Variants in USP43 observed in about 807,000 individuals in gnomAD.
The protein encoded by USP43 is ubiquitin specific peptidase 43.
Under a neutral mutation model 90.7 loss-of-function variants are expected in USP43, and 33 were observed. That is an observed-to-expected ratio of 0.36 (90% CI 0.28 to 0.49). The LOEUF (loss-of-function observed/expected upper bound fraction) is 0.49, where lower values mean the gene tolerates loss of function less well. USP43 is among the 20% of genes least tolerant of loss of function. The pLI is 0.98. For missense variants in USP43, 1,274 were observed against 1,476.4 expected, an observed-to-expected ratio of 0.86 and a Z score of 2.25; for synonymous variants, 598 against 615.8, an observed-to-expected ratio of 0.97 and a Z score of 0.43.
At position 9,728,416 on chromosome 17, in the gene USP43, T is replaced by G. The variant is rs955137421; in HGVS notation, c.2798T>G (p.Leu933Arg). The change falls in exon 15 of 15, where the codon CTC becomes CGC. Residue 933 changes from leucine (L) to arginine (R), a missense_variant. By Grantham distance (102) the Leu-to-Arg change is moderately radical (BLOSUM62 -2). Transcript: ENST00000285199. The surrounding 1 kb of genome is among the most constrained non-coding windows in gnomAD (Gnocchi z 6.2). ...CTTCCCAGAAAGTTTGACCTGCCTCTCACTGTGATGCCTTCAGTGGAGCAT... is the reference window on the plus strand; with the variant it reads ...CTTCCCAGAAAGTTTGACCTGCCTCGCACTGTGATGCCTTCAGTGGAGCAT... ...IKLPRKFDLP[L>R]TVMPSVEHEK... 3.7e-6 allele frequency: 6 copies of G among 1,610,464 alleles called. No individual in the cohort carries two copies. The highest frequency in any genetic ancestry group is 1.7e-4 in the Middle Eastern group (1 of 6,058).
chr17:9,662,834 T>TTTC (rs939042102), intron 2 of USP43, among the ~76,000 whole-genome samples: 6 of 151,840 alleles, frequency 4.0e-5, no homozygotes, highest in African/African-American at 7.3e-5. Flanking sequence ...TTTTTTTTTT[T>TTTC]TGAGGCAGAG....
intron 2 of USP43, among the ~76,000 whole-genome samples, chr17:9,664,193 TAA>T (rs1417334906): frequency 6.6e-6 from 1 of 152,232 alleles, no homozygotes; most frequent in Non-Finnish European, 1.5e-5. Context: ...AATTATGCAG[TAA>T]ACACTCCTCC....
rs1917452007 is a variant in USP43, at chr17:9,729,161, A to G, written c.*171A>G. ...CTCCATATCTAGACTTCCAACACCC[A>G]AGGTCCATATAACCCAAGGTCGAAA... On this transcript the variant is annotated 3_prime_UTR_variant, in exon 15 of 15. Coordinates refer to ENST00000285199, the MANE Select transcript of USP43 (RefSeq NM_153210.5). The G allele has an allele frequency of 1.9e-6, 1 of 529,564 alleles. No homozygotes were observed. Among genetic ancestry groups the G allele is most frequent in the East Asian group, 3.4e-5 (1 of 29,216 alleles). The allele number at this position is 529,564 out of a possible 1,614,324, so 32.8% of individuals were successfully genotyped here. A position where few individuals can be genotyped will look rare whatever the true frequency, so the allele number is the denominator to read the frequency against.
intron 12 of USP43, among the ~76,000 whole-genome samples, chr17:9,707,442 C>T (rs1915948092): frequency 6.6e-6 from 1 of 152,048 alleles, no homozygotes; most frequent in South Asian, 2.1e-4. Context: ...GTCAGGAGAT[C>T]AAGACCATCC....
chr17:9,692,178 G>A (rs1914998053), intron 8 of USP43, among the ~76,000 whole-genome samples: 1 of 151,946 alleles, frequency 6.6e-6, no homozygotes. Context: ...GGCCAACATG[G>A]TGAAACCCCA....
chr17:9,658,159 T>C (rs1912391343), intron 2 of USP43, among the ~76,000 whole-genome samples: 1 of 152,130 alleles, frequency 6.6e-6, no homozygotes, highest in Non-Finnish European at 1.5e-5. Flanking sequence ...ATTAATCAAA[T>C]AAAAAAACCC....
intron 5 of USP43, among the ~76,000 whole-genome samples, chr17:9,680,013 AT>A (rs58054610): frequency 0.057 from 7,468 of 131,954 alleles, 255 homozygotes; most frequent in Admixed American, 0.11. Context: ...TAAAACTTAG[AT>A]TTTTTTTTTT....
chr17:9,723,932 G>T (rs2152002845), intron 14 of USP43, among the ~76,000 whole-genome samples: 2 of 152,140 alleles, frequency 1.3e-5, no homozygotes, highest in Admixed American at 1.3e-4. Context: ...CTATCTCTTG[G>T]TCAGTCACGT....
intron 14 of USP43, among the ~76,000 whole-genome samples, chr17:9,719,089 T>C (rs1916778770): frequency 6.6e-6 from 1 of 152,106 alleles, no homozygotes; most frequent in African/African-American, 2.4e-5. Flanking sequence ...GCTCGCACCA[T>C]TGCGCTCCAG....
chr17:9,673,368 G>T (rs1337918397), intron 3 of USP43, among the ~76,000 whole-genome samples: 1 of 152,094 alleles, frequency 6.6e-6, no homozygotes, highest in East Asian at 1.9e-4. Context: ...AATTAGCCGG[G>T]CGTGGTGGCA....
rs757611956 is a variant in USP43 at position 9,656,406 on chromosome 17, G to T, written c.508G>T (p.Ala170Ser). 1 of 1,610,642 alleles carries T rather than the reference G, an allele frequency of 6.2e-7. No individual in the cohort carries two copies. Among genetic ancestry groups the T allele is most frequent in the Non-Finnish European group, 8.5e-7 (1 of 1,178,534 alleles). Residue 170 changes from alanine (A) to serine (S), a missense_variant, in exon 2 of 15, where the codon GCA (alanine) becomes TCA (serine). By Grantham distance (99) the Ala-to-Ser change is moderately conservative. Coordinates refer to ENST00000285199, the MANE Select transcript of USP43 (RefSeq NM_153210.5). ...CGATTTCCTTTTTTCCTTTCAGAAT[G>T]CAGTTTCCAAGTACGGCTCTCAGTT... ...TPQLSAEFKNAVSKYGSQFQG... is the reference protein window; with the variant it reads ...TPQLSAEFKNSVSKYGSQFQG...
At chr17:9,695,594 A>G (rs1269152037) in intron 9 of USP43, among the ~76,000 whole-genome samples, 1 of 152,152 alleles carries the variant, frequency 6.6e-6, no homozygotes, top group African/African-American at 2.4e-5. Flanking sequence ...CAGCCTCCCA[A>G]AGTGCTGGGA....
At chr17:9,697,152 G>A (rs1915317141) in intron 9 of USP43, among the ~76,000 whole-genome samples, 1 of 152,192 alleles carries the variant, frequency 6.6e-6, no homozygotes, top group Non-Finnish European at 1.5e-5. Flanking sequence ...AGGATGCGGA[G>A]CTTGCAGTGA....
intron 1 of USP43, among the ~76,000 whole-genome samples, chr17:9,649,507 T>G (rs1709612093): frequency 6.6e-6 from 1 of 151,818 alleles, no homozygotes; most frequent in South Asian, 2.1e-4. Flanking sequence ...AACAGGAAGG[T>G]TTTCGGCCCT....
rs1209331299 is a variant in USP43, at chr17:9,710,004, G to C, written c.2060G>C (p.Ser687Thr). 1 of 1,572,408 alleles carries C rather than the reference G, an allele frequency of 6.4e-7. No homozygotes were observed. Among genetic ancestry groups the C allele is most frequent in the African/African-American group, 1.4e-5 (1 of 72,906 alleles). Residue 687 changes from serine (S) to threonine (T), a missense_variant, in exon 13 of 15, where the codon AGC (serine) becomes ACC (threonine). This residue lies in a region of USP43 where 285 missense variants were observed against 349.6 expected (regional missense o/e 0.82). Transcript: ENST00000285199. ...LDGQWYSYDDSTVEPLREDEV... is the reference protein window; with the variant it reads ...LDGQWYSYDDTTVEPLREDEV... ...GGCCAGTGGTACAGTTATGATGACA[G>C]CACGGTGGAACCGCTTCGAGAAGAT...
At chr17:9,657,578 CAGT>C (rs2151964250) in intron 2 of USP43, among the ~76,000 whole-genome samples, 1 of 152,056 alleles carries the variant, frequency 6.6e-6, no homozygotes, top group South Asian at 2.1e-4. Context: ...AATTGACTTA[CAGT>C]TCCACATGGC....
In USP43 at chr17:9,674,962, C is replaced by G; in HGVS notation, c.812C>G (p.Pro271Arg). Residue 271 changes from proline to arginine, a missense_variant, in exon 4 of 15, where the codon CCT becomes CGT. By Grantham distance (103) the Pro-to-Arg change is moderately radical (BLOSUM62 -2). Around this residue, in one of 6 missense-constraint regions of USP43, gnomAD observed 259 missense variants for 373.7 expected, o/e 0.69. Coordinates refer to ENST00000285199, the MANE Select transcript of USP43 (RefSeq NM_153210.5). The surrounding 1 kb of genome is among the most constrained non-coding windows in gnomAD (Gnocchi z 4.4). ...TFDPFLCVSLPIPLRQTRFLS... is the reference protein window; with the variant it reads ...TFDPFLCVSLRIPLRQTRFLS... Reference sequence around the variant, plus strand: ...GATCCTTTCCTGTGTGTGTCCCTACCTATCCCCTTGCGCCAGACGAGGTAC... The same window carrying G: ...GATCCTTTCCTGTGTGTGTCCCTACGTATCCCCTTGCGCCAGACGAGGTAC... The G allele has an allele frequency of 6.2e-7, 1 of 1,614,018 alleles. No individual in the cohort carries two copies. Among genetic ancestry groups the G allele is most frequent in the Non-Finnish European group, 8.5e-7 (1 of 1,179,892 alleles).
Position 9,701,638 on chromosome 17 carries a change from T to A in USP43, c.1949T>A (p.Phe650Tyr). 1 of 1,591,780 alleles carries A rather than the reference T, an allele frequency of 6.3e-7. No individual in the cohort carries two copies. Among genetic ancestry groups the A allele is most frequent in the Non-Finnish European group, 8.5e-7 (1 of 1,169,880 alleles). Residue 650 changes from phenylalanine (F) to tyrosine (Y), a missense_variant, in exon 12 of 15, where the codon TTC (phenylalanine) becomes TAC (tyrosine). Around this residue, in one of 6 missense-constraint regions of USP43, gnomAD observed 285 missense variants for 349.6 expected, o/e 0.82. Transcript: ENST00000285199. The surrounding 1 kb of genome is among the most constrained non-coding windows in gnomAD (Gnocchi z 7.2). ...CTGCCCACCAGTTACCCGCTGGACTTCCTGTACGACCTGTATGCCGTCTGC... is the reference window on the plus strand; with the variant it reads ...CTGCCCACCAGTTACCCGCTGGACTACCTGTACGACCTGTATGCCGTCTGC... Reference protein sequence around the residue: ...DCLPTSYPLDFLYDLYAVCNH... With the variant: ...DCLPTSYPLDYLYDLYAVCNH...
Position 9,674,691 on chromosome 17 carries a change from T to C in USP43, c.741-200T>C, listed in dbSNP as rs1597835619. ...TGTCTGTTGATGGACGGTTGGGTTGTTCCCACCTTAACTATTGTGAATAGA... is the reference window on the plus strand; with the variant it reads ...TGTCTGTTGATGGACGGTTGGGTTGCTCCCACCTTAACTATTGTGAATAGA... On this transcript the variant is annotated intron_variant, in intron 3 of 14. Transcript: ENST00000285199. The surrounding 1 kb of genome is among the most constrained non-coding windows in gnomAD (Gnocchi z 4.4). Among the ~76,000 whole-genome samples, 1 of 152,368 alleles carries C rather than the reference T, an allele frequency of 6.6e-6. No individual in the cohort carries two copies. Among genetic ancestry groups the C allele is most frequent in the African/African-American group, 2.4e-5 (1 of 41,594 alleles).
Sources: allele counts gnomAD v4.1 joint callset (sites outside exome capture counted in the v4.1 genomes callset), GRCh38; gene constraint gnomAD v4.1.1; regional missense constraint gnomAD v4.1.1; non-coding constraint Gnocchi (gnomAD v3.1); transcripts MANE v1.5; gene names NCBI Gene and HGNC (gene_info 2026-07-23, HGNC 2026-07-21).